The following PDE12 variants were observed in gnomAD, a reference collection of about 807,000 sequenced individuals.
PDE12 encodes the protein phosphodiesterase 12.
In PDE12, 26 loss-of-function variants were observed where a neutral mutation model predicts 45.4. The observed-to-expected ratio is 0.57, with a 90% confidence interval of 0.42 to 0.79. The LOEUF (loss-of-function observed/expected upper bound fraction) is 0.79. Among genes scored for constraint, PDE12 ranks in the 30% least tolerant of loss-of-function variants. The probability of loss-of-function intolerance (pLI) is 0.00; values close to 1 mark genes in which losing one functional copy is unlikely to be tolerated. For missense variants in PDE12, 668 were observed against 790.0 expected (o/e 0.85, Z 1.85); for synonymous variants, 283 against 323.9 (o/e 0.87, Z 1.36).
At chr3:57,601,352 A>C in the PDE12 span, among the ~76,000 whole-genome samples, 1 of 152,038 alleles carries the variant, frequency 6.6e-6, no homozygotes, top group Non-Finnish European at 1.5e-5. Context: ...TAGGTGGTCC[A>C]CCCACCTCGG....
intron 1 of PDE12, among the ~76,000 whole-genome samples, chr3:57,558,650 C>T (rs1161555191): frequency 3.9e-5 from 6 of 151,912 alleles, no homozygotes; most frequent in African/African-American, 1.4e-4. Context: ...GCCACCACGC[C>T]CGGCTAATTT....
At chr3:57,600,402 CTTCCCTCCCCTTCCTTTCCTTTCCCTT>C in the PDE12 span, among the ~76,000 whole-genome samples, 1 of 146,568 alleles carries the variant, frequency 6.8e-6, no homozygotes, top group African/African-American at 2.5e-5. Context: ...TTCCTTCATC[CTTCCCTCCCCTTCCTTTCCTTTCCCTT>C]TTCCCCTCCC....
chr3:57,626,265 G>A, the PDE12 span: 2 of 152,568 alleles, frequency 1.3e-5, no homozygotes, highest in Admixed American at 6.6e-5. Context: ...TCTTGGGTCA[G>A]GAATGCCCTT....
At chr3:57,637,334 G>A in the PDE12 span, among the ~76,000 whole-genome samples, 1 of 152,060 alleles carries the variant, frequency 6.6e-6, no homozygotes, top group East Asian at 1.9e-4. Context: ...CAAGGATGTG[G>A]GTGCACTAAA....
chr3:57,610,538 C>A, the PDE12 span, among the ~76,000 whole-genome samples: 2 of 152,126 alleles, frequency 1.3e-5, no homozygotes, highest in African/African-American at 4.8e-5. Flanking sequence ...TCAGCAAAGT[C>A]TCAGGATACA....
chr3:57,614,544 G>GTTTTTTTTTTTTTTTTTTTT, the PDE12 span, among the ~76,000 whole-genome samples: 1 of 121,318 alleles, frequency 8.2e-6, no homozygotes, highest in Non-Finnish European at 1.6e-5. Context: ...TTTGTTTTTT[G>GTTTTTTTTTTTTTTTTTTTT]TTTTTTTTTT....
At chr3:57,559,234 A>C in intron 1 of PDE12, 76 bp from the exon 2 acceptor site, 1 of 1,224,248 alleles carries the variant, frequency 8.2e-7, no homozygotes, top group Non-Finnish European at 1.2e-6. Context: ...AACTCAAAAA[A>C]ACAAACAAAC....
the PDE12 span, chr3:57,584,059 AC>A: frequency 2.4e-6 from 3 of 1,236,866 alleles, no homozygotes; most frequent in South Asian, 2.6e-5. Context: ...AGAAAATAAA[AC>A]CTTTTATTGT....
At chr3:57,637,925 G>A in the PDE12 span, among the ~76,000 whole-genome samples, 3 of 152,028 alleles carry the variant, frequency 2.0e-5, no homozygotes, top group Non-Finnish European at 2.9e-5. Context: ...CACGAGGTCA[G>A]GAATTCGAGA....
the PDE12 span, among the ~76,000 whole-genome samples, chr3:57,632,691 G>A: frequency 6.6e-6 from 1 of 151,922 alleles, no homozygotes; most frequent in Non-Finnish European, 1.5e-5. Context: ...TCCAGAGCAG[G>A]GCCACATCAT....
chr3:57,596,206 A>G, the PDE12 span, among the ~76,000 whole-genome samples: 1 of 152,228 alleles, frequency 6.6e-6, no homozygotes, highest in South Asian at 2.1e-4. Context: ...CTTTCTAAAA[A>G]GAAATTTTAA....
At chr3:57,614,525 T>TG in the PDE12 span, among the ~76,000 whole-genome samples, 2 of 141,576 alleles carry the variant, frequency 1.4e-5, no homozygotes, top group East Asian at 4.7e-4. Context: ...TGTAATCCGT[T>TG]TTTTTTTTTT....
At chr3:57,597,275 G>T in the PDE12 span, 1 of 813,868 alleles carries the variant, frequency 1.2e-6, no homozygotes, top group Non-Finnish European at 2.0e-6. Flanking sequence ...AGGCAGAAAC[G>T]TCTCAGTGGC....
At chr3:57,624,639 T>C in the PDE12 span, among the ~76,000 whole-genome samples, 1 of 151,320 alleles carries the variant, frequency 6.6e-6, no homozygotes, top group Admixed American at 6.6e-5. Context: ...TGGCACATAC[T>C]TGTAATCCCA....
the PDE12 span, chr3:57,626,920 C>CA: frequency 6.6e-6 from 1 of 152,346 alleles, no homozygotes; most frequent in Non-Finnish European, 1.5e-5. Flanking sequence ...TTTTAAGAAA[C>CA]ATTAATGTTG....
At chr3:57,604,619 G>C in the PDE12 span, among the ~76,000 whole-genome samples, 4 of 23,348 alleles carry the variant, frequency 1.7e-4, no homozygotes, top group Non-Finnish European at 2.4e-4. Context: ...TTTTTTTTTG[G>C]GGGGGGTGGG....
At chr3:57,612,766 C>A in the PDE12 span, among the ~76,000 whole-genome samples, 1 of 123,862 alleles carries the variant, frequency 8.1e-6, no homozygotes, top group African/African-American at 2.8e-5. Flanking sequence ...TGAGAGTCCA[C>A]CTCAAAAAAA....
At chr3:57,575,736 C>G in the PDE12 span, 24 of 1,501,470 alleles carry the variant, frequency 1.6e-5, no homozygotes, top group East Asian at 5.6e-4. Context: ...AAAATGTCTT[C>G]CTATATATAC....
chr3:57,610,337 C>A, the PDE12 span, among the ~76,000 whole-genome samples: 1 of 152,126 alleles, frequency 6.6e-6, no homozygotes, highest in Non-Finnish European at 1.5e-5. Context: ...GACGGGGATG[C>A]CCTCTCTCAC....
Sources: gnomAD v4.1 joint callset for allele counts (sites outside exome capture counted in the v4.1 genomes callset) on GRCh38, gnomAD v4.1.1 for gene constraint, MANE v1.5 for transcripts, NCBI Gene and HGNC (gene_info 2026-07-23, HGNC 2026-07-21) for gene names.